Variants in NEK10 observed in about 807,000 individuals in gnomAD.
NEK10 encodes serine/threonine-protein kinase Nek10.
Under a neutral mutation model 159.8 loss-of-function variants are expected in NEK10, and 122 were observed. The observed-to-expected ratio is 0.76, with a 90% CI of 0.66 to 0.89. The LOEUF (loss-of-function observed/expected upper bound fraction) is 0.89, where lower values mean the gene tolerates loss of function less well. Among genes scored for constraint, NEK10 ranks in the 40% least tolerant of loss-of-function variants. The pLI, the probability that NEK10 is intolerant of heterozygous loss-of-function variation, is 0.00. For synonymous variants in NEK10, 466 were observed against 457.1 expected (o/e 1.02, Z -0.25); for missense variants, 1,342 against 1,323.1 (o/e 1.01, Z -0.22).
chr3:27,264,669 A>C (rs142435215), intron 22 of NEK10, among the ~76,000 whole-genome samples: 6,258 of 152,220 alleles, frequency 0.041, 209 homozygotes, highest in African/African-American at 0.096. Flanking sequence ...AGGCAGGTGG[A>C]ACAACTGAGG....
intron 22 of NEK10, among the ~76,000 whole-genome samples, chr3:27,275,877 CT>C (rs2041734167): frequency 6.6e-6 from 1 of 152,060 alleles, no homozygotes; most frequent in Admixed American, 6.6e-5. Context: ...ATGTCTGAAA[CT>C]TTGGTGGCAT....
In NEK10 at chr3:27,263,508, C is replaced by T. The variant is rs191283697; in HGVS notation, c.2015-7137G>A. On this transcript the variant is annotated intron_variant, in intron 22 of 35. Coordinates refer to ENST00000691995, the MANE Select transcript of NEK10 (RefSeq NM_001394966.1). Reference sequence around the variant, plus strand: ...CTGCTTTGTTTACCTACTCAAGCCTCGGCAATGGCAGGCACCCCTCCCCCA... The same window carrying T: ...CTGCTTTGTTTACCTACTCAAGCCTTGGCAATGGCAGGCACCCCTCCCCCA... 6.3e-3 allele frequency among the ~76,000 whole-genome samples: 964 copies of T among 152,234 alleles called. 3 individuals are homozygous for T. The highest frequency in any genetic ancestry group is 0.011 in the Non-Finnish European group (717 of 68,004).
intron 32 of NEK10, among the ~76,000 whole-genome samples, chr3:27,122,770 T>C (rs1941487456): frequency 6.6e-6 from 1 of 152,150 alleles, no homozygotes; most frequent in Non-Finnish European, 1.5e-5. Context: ...GAAAGATATT[T>C]AAAGCCTCAA....
At chr3:27,319,672 T>C (rs906080858) in intron 6 of NEK10, among the ~76,000 whole-genome samples, 1 of 151,942 alleles carries the variant, frequency 6.6e-6, no homozygotes, top group Admixed American at 6.6e-5. Flanking sequence ...TAAGGAAAAA[T>C]AGAGAGCGGG....
chr3:27,321,445 C>A (rs545048091), intron 6 of NEK10, among the ~76,000 whole-genome samples: 71 of 152,182 alleles, frequency 4.7e-4, no homozygotes, highest in African/African-American at 1.7e-3. Flanking sequence ...TAGAGGCAGG[C>A]AGATCACCTG....
rs145108575 is a variant in NEK10, at chr3:27,140,195, T to C, written c.2970+1287A>G. Among the ~76,000 whole-genome samples, 417 of 152,296 alleles carry C rather than the reference T, an allele frequency of 2.7e-3. 4 individuals are homozygous for C. Among genetic ancestry groups the C allele is most frequent in the African/African-American group, 9.7e-3 (405 of 41,554 alleles). On this transcript the variant is annotated intron_variant, in intron 31 of 35. Transcript: ENST00000691995. ...GATCAGTTTAACAGAAAAGATTATC[T>C]AGGTGTGGTAGACAGAAACCTGCCC... is the stretch of plus-strand genomic sequence containing the variant.
chr3:27,305,788 G>A (rs1206356888), intron 11 of NEK10, among the ~76,000 whole-genome samples: 1 of 152,082 alleles, frequency 6.6e-6, no homozygotes, highest in South Asian at 2.1e-4. Context: ...TAAATTGATG[G>A]TAAAGACACA....
intron 22 of NEK10, among the ~76,000 whole-genome samples, chr3:27,279,261 G>T (rs1295530230): frequency 6.6e-6 from 1 of 152,066 alleles, no homozygotes; most frequent in African/African-American, 2.4e-5. Context: ...AGTACACTTT[G>T]TCTCATGCAT....
At chr3:27,331,616 T>C (rs779644022) in intron 5 of NEK10, among the ~76,000 whole-genome samples, 3 of 152,180 alleles carry the variant, frequency 2.0e-5, no homozygotes, top group Non-Finnish European at 4.4e-5. Context: ...CAGGTAAAGC[T>C]TGAAAGGAAA....
intron 23 of NEK10, among the ~76,000 whole-genome samples, chr3:27,248,558 T>C (rs1166541431): frequency 6.6e-6 from 1 of 152,206 alleles, no homozygotes; most frequent in Admixed American, 6.5e-5. Flanking sequence ...ATGTTGTGTT[T>C]CCATTATTAT....
chr3:27,208,705 T>A (rs1950743676), intron 23 of NEK10, among the ~76,000 whole-genome samples: 1 of 152,208 alleles, frequency 6.6e-6, no homozygotes, highest in Non-Finnish European at 1.5e-5. Context: ...GGGGAGCAGA[T>A]GTGCAGGAAG....
chr3:27,275,078 A>T (rs2041671333), intron 22 of NEK10, among the ~76,000 whole-genome samples: 1 of 152,068 alleles, frequency 6.6e-6, no homozygotes, highest in Admixed American at 6.5e-5. Flanking sequence ...ACTATTTCCA[A>T]CTTTCACCTA....
intron 6 of NEK10, among the ~76,000 whole-genome samples, chr3:27,319,441 A>T (rs1575729467): frequency 6.6e-6 from 1 of 152,348 alleles, no homozygotes; most frequent in South Asian, 2.1e-4. Context: ...GCAACCTCTG[A>T]GTCGAAGAAT....
At chr3:27,227,033 C>A (rs549053831) in intron 23 of NEK10, among the ~76,000 whole-genome samples, 1 of 152,310 alleles carries the variant, frequency 6.6e-6, no homozygotes, top group Non-Finnish European at 1.5e-5. Flanking sequence ...GCCTTACTCC[C>A]TTAAGTGCTT....
chr3:27,164,998 T>C (rs748225183), intron 29 of NEK10, among the ~76,000 whole-genome samples: 4 of 152,228 alleles, frequency 2.6e-5, no homozygotes, highest in Non-Finnish European at 4.4e-5. Context: ...GCTGCCGCTT[T>C]TGCTATTCCT....
At chr3:27,191,299 A>AG (rs1325612284) in intron 26 of NEK10, among the ~76,000 whole-genome samples, 13 of 144,514 alleles carry the variant, frequency 9.0e-5, no homozygotes, top group Non-Finnish European at 1.8e-4. Context: ...CAGAACAGGA[A>AG]AAAAAAAAAA....
chr3:27,121,807 T>C (rs1173178030), intron 32 of NEK10, among the ~76,000 whole-genome samples: 2 of 152,146 alleles, frequency 1.3e-5, no homozygotes, highest in Non-Finnish European at 1.5e-5. Flanking sequence ...AGATGTAATG[T>C]GGCCGTACAA....
At chr3:27,241,748 A>C (rs1361200613) in intron 23 of NEK10, among the ~76,000 whole-genome samples, 1 of 152,224 alleles carries the variant, frequency 6.6e-6, no homozygotes, top group Non-Finnish European at 1.5e-5. Flanking sequence ...ACCCAAACTA[A>C]GAGACAAGAG....
rs371128428 is a variant in NEK10 at position 27,132,785 on chromosome 3, T to C, written c.2971-795A>G. On this transcript the variant is annotated intron_variant, in intron 31 of 35. Transcript: ENST00000691995. ...GATTAAAAGGGTCTCAGAGTGGAAA[T>C]AATATTTGGTTTTGTTTAAATTATG... is the stretch of plus-strand genomic sequence containing the variant. Among the ~76,000 whole-genome samples the C allele has an allele frequency of 9.0e-4, 137 of 152,128 alleles. 3 individuals are homozygous for C. The South Asian group carries it at 0.015, about 16-fold the overall frequency.
Sources: gnomAD v4.1 joint callset for allele counts (sites outside exome capture counted in the v4.1 genomes callset) on GRCh38, gnomAD v4.1.1 for gene constraint, MANE v1.5 for transcripts, NCBI Gene and HGNC (gene_info 2026-07-23, HGNC 2026-07-21) for gene names.